ACAP2: variants seen among roughly 807,000 people sequenced by gnomAD.
ACAP2 encodes the protein arf-GAP with coiled-coil, ANK repeat and PH domain-containing protein 2.
ACAP2 carries 39 observed loss-of-function variants against 115.8 expected under a neutral mutation model. The observed-to-expected ratio is 0.34, with a 90% CI of 0.26 to 0.44. The LOEUF (loss-of-function observed/expected upper bound fraction) is 0.44. Among genes scored for constraint, ACAP2 ranks in the 20% least tolerant of loss-of-function variants. The probability of loss-of-function intolerance (pLI) is 1.00; values close to 1 mark genes in which losing one functional copy is unlikely to be tolerated. For missense variants in ACAP2, 662 were observed against 927.6 expected, an observed-to-expected ratio of 0.71 and a Z score of 3.72; for synonymous variants, 289 against 315.8, an observed-to-expected ratio of 0.92 and a Z score of 0.90.
At chr3:195,330,632 C>A (rs189280583) in intron 8 of ACAP2, among the ~76,000 whole-genome samples, 59 of 152,310 alleles carry the variant, frequency 3.9e-4, no homozygotes, top group Admixed American at 8.5e-4. Context: ...GTTCCTGCAA[C>A]ACTTTGACCC....
intron 21 of ACAP2, among the ~76,000 whole-genome samples, chr3:195,288,595 C>T (rs562295506): frequency 6.6e-6 from 1 of 152,308 alleles, no homozygotes; most frequent in African/African-American, 2.4e-5. Context: ...CGGTGGCTCA[C>T]ACCTGTAATC....
intron 1 of ACAP2, among the ~76,000 whole-genome samples, chr3:195,406,160 A>G (rs1460406507): frequency 6.6e-6 from 1 of 152,228 alleles, no homozygotes; most frequent in Non-Finnish European, 1.5e-5. Flanking sequence ...CTGCTTGAAT[A>G]ATCAATCTAG....
intron 1 of ACAP2, among the ~76,000 whole-genome samples, chr3:195,434,527 T>C (rs142125187): frequency 9.9e-4 from 151 of 152,294 alleles, no homozygotes; most frequent in African/African-American, 3.6e-3. Flanking sequence ...TAAGCCATTG[T>C]GCCCAGCTGG....
chr3:195,337,609 C>T (rs1730590924), intron 6 of ACAP2, among the ~76,000 whole-genome samples: 2 of 152,046 alleles, frequency 1.3e-5, no homozygotes, highest in South Asian at 4.1e-4. Flanking sequence ...CCACCACGCT[C>T]GGCTAATTTT....
intron 2 of ACAP2, among the ~76,000 whole-genome samples, chr3:195,382,997 A>G (rs1304610785): frequency 6.6e-6 from 1 of 152,148 alleles, no homozygotes; most frequent in Non-Finnish European, 1.5e-5. Flanking sequence ...ATCAATGTGC[A>G]TCCAAGAGGG....
intron 9 of ACAP2, among the ~76,000 whole-genome samples, chr3:195,326,088 T>C (rs1439234409): frequency 9.2e-5 from 14 of 152,226 alleles, no homozygotes; most frequent in Admixed American, 7.2e-4. Flanking sequence ...AGATCTAGTT[T>C]ACTGGTATTT....
intron 20 of ACAP2, among the ~76,000 whole-genome samples, chr3:195,289,679 G>A (rs1350271036): frequency 3.3e-5 from 5 of 151,146 alleles, no homozygotes; most frequent in African/African-American, 4.9e-5. Context: ...GGTGGCGGAC[G>A]CCTGTAGTCC....
intron 1 of ACAP2, among the ~76,000 whole-genome samples, chr3:195,409,963 G>A (rs1231080871): frequency 6.9e-6 from 1 of 145,486 alleles, no homozygotes; most frequent in East Asian, 2.0e-4. Context: ...ACAATGGATA[G>A]CCAAAACAAT....
chr3:195,368,480 T>C (rs1000996428), intron 4 of ACAP2, among the ~76,000 whole-genome samples: 8 of 152,308 alleles, frequency 5.3e-5, no homozygotes, highest in South Asian at 4.1e-4. Context: ...ATTACTACTT[T>C]GCCAAAGCTA....
At chr3:195,404,662 C>CACAT (rs1244023609) in intron 1 of ACAP2, among the ~76,000 whole-genome samples, 10 of 149,740 alleles carry the variant, frequency 6.7e-5, no homozygotes, top group Admixed American at 4.0e-4. Flanking sequence ...GCCATATATA[C>CACAT]ACACACACAC....
chr3:195,420,038 T>C (rs1322993035), intron 1 of ACAP2, among the ~76,000 whole-genome samples: 1 of 152,236 alleles, frequency 6.6e-6, no homozygotes, highest in African/African-American at 2.4e-5. Flanking sequence ...ATTGCATTTA[T>C]ATTTATACAT....
At chr3:195,395,526 T>C (rs823309) in intron 1 of ACAP2, among the ~76,000 whole-genome samples, 26,431 of 152,228 alleles carry the variant, frequency 0.17, 2,530 homozygotes, top group Admixed American at 0.28. Context: ...TATTTTGTGA[T>C]GCATGAAAAT....
intron 2 of ACAP2, among the ~76,000 whole-genome samples, chr3:195,391,438 C>T (rs184877259): frequency 6.6e-6 from 1 of 151,958 alleles, no homozygotes; most frequent in African/African-American, 2.4e-5. Context: ...GGTGGTCAGA[C>T]TGGTCTCAAA....
chr3:195,304,189 A>AAAAAAAC (rs1728267551), intron 13 of ACAP2, among the ~76,000 whole-genome samples: 1 of 150,366 alleles, frequency 6.7e-6, no homozygotes, highest in Non-Finnish European at 1.5e-5. Flanking sequence ...AAAAAAAAAA[A>AAAAAAAC]AAAAAACTTC....
At chr3:195,320,645 A>T in intron 10 of ACAP2, 56 bp downstream of exon 10, 1 of 1,265,822 alleles carries the variant, frequency 7.9e-7, no homozygotes, top group Admixed American at 1.8e-5. Flanking sequence ...AATCACAGGG[A>T]AAGTCAGAAA....
intron 6 of ACAP2, 22 bp from the exon 7 acceptor site, chr3:195,336,998 T>C: frequency 6.3e-7 from 1 of 1,599,690 alleles, no homozygotes; most frequent in Non-Finnish European, 8.5e-7. Context: ...CACACGTGGT[T>C]AATCACCCAT....
At chr3:195,434,941 A>ATTTT in intron 1 of ACAP2, among the ~76,000 whole-genome samples, 1 of 150,448 alleles carries the variant, frequency 6.6e-6, no homozygotes, top group African/African-American at 2.5e-5. Flanking sequence ...TCACTCTTGA[A>ATTTT]TGAAGTAATC....
chr3:195,279,275 C>T lies in ACAP2; in HGVS notation c.*53G>A. On this transcript the variant is annotated 3_prime_UTR_variant, in exon 23 of 23. Transcript: ENST00000326793. ...CAGTAAAAAAATTGTGATTTTTTAGCTGTATACATTAGGGGGTCACCAGAT... is the reference window on the plus strand; with the variant it reads ...CAGTAAAAAAATTGTGATTTTTTAGTTGTATACATTAGGGGGTCACCAGAT... The T allele has an allele frequency of 8.1e-7, 1 of 1,236,698 alleles. No homozygotes were observed. Among genetic ancestry groups the T allele is most frequent in the South Asian group, 1.3e-5 (1 of 74,488 alleles). 76.6% of individuals were successfully genotyped at this position (1,236,698 alleles called of 1,614,324 possible). A position where few individuals can be genotyped will look rare whatever the true frequency, so the allele number is the denominator to read the frequency against.
At chr3:195,347,865 A>G (rs562615028) in intron 4 of ACAP2, among the ~76,000 whole-genome samples, 1 of 152,032 alleles carries the variant, frequency 6.6e-6, no homozygotes, top group Non-Finnish European at 1.5e-5. Context: ...TTTTCAAATG[A>G]GCCAAGCATG....
Sources: gnomAD v4.1 joint callset for allele counts (sites outside exome capture counted in the v4.1 genomes callset) on GRCh38, gnomAD v4.1.1 for gene constraint, MANE v1.5 for transcripts, NCBI Gene and HGNC (gene_info 2026-07-23, HGNC 2026-07-21) for gene names.